The following MDC1 variants were observed in gnomAD, a reference collection of about 807,000 sequenced individuals.
MDC1 encodes the protein mediator of DNA damage checkpoint protein 1.
In MDC1, 81 loss-of-function variants were observed where a neutral mutation model predicts 142.5. The observed-to-expected ratio is 0.57, with a 90% CI of 0.47 to 0.68. MDC1 has a LOEUF of 0.68. Among genes scored for constraint, MDC1 ranks in the 30% least tolerant of loss-of-function variants. The pLI is 0.00. For synonymous variants in MDC1, 797 were observed against 968.4 expected (o/e 0.82, Z 3.29); for missense variants, 2,119 against 2,547.9 (o/e 0.83, Z 3.62).
chr6:30,713,061 G>A lies in MDC1; in HGVS notation c.881C>T (p.Pro294Leu), dbSNP rs1297917333. Residue 294 changes from proline to leucine, a missense_variant, in exon 5 of 15, where the codon CCT becomes CTT. Transcript: ENST00000376406. The surrounding 1 kb of genome is among the most constrained non-coding windows in gnomAD (Gnocchi z 4.9). ...PAGVILERSQ[P>L]PGEDSDTDVD... ...ATCTGTGTCACTGTCCTCTCCAGGAGGTTGGCTCCTCTCCAGAATCACCCC... is the reference window on the plus strand; with the variant it reads ...ATCTGTGTCACTGTCCTCTCCAGGAAGTTGGCTCCTCTCCAGAATCACCCC... 6 of 1,612,986 alleles carry A rather than the reference G, an allele frequency of 3.7e-6. No individual in the cohort carries two copies. The highest frequency in any genetic ancestry group is 5.1e-6 in the Non-Finnish European group (6 of 1,180,004).
chr6:30,703,246 G>A lies in MDC1; in HGVS notation c.5723C>T (p.Ala1908Val), dbSNP rs757439790. The change falls in exon 12 of 15, where the codon GCT becomes GTT. Residue 1908 changes from alanine to valine, a missense_variant. Ala to Val is a moderately conservative substitution (Grantham distance 64). Transcript: ENST00000376406. This position sits in a 1 kb window ranked among gnomAD's most constrained non-coding sequence, Gnocchi z 4.4. ...TGVVDARGER[A>V]VLALGGSLAG... ...CAGACTTCCCCCCAGTGCCAGCACA[G>A]CCCGCTCTCCCCGAGCATCCACCAC... is the stretch of plus-strand genomic sequence containing the variant. 3 of 1,612,898 alleles carry A rather than the reference G, an allele frequency of 1.9e-6. No homozygotes were observed. Among genetic ancestry groups the A allele is most frequent in the Non-Finnish European group, 2.5e-6 (3 of 1,179,972 alleles).
At position 30,712,417 on chromosome 6, in the gene MDC1, G is replaced by A; in HGVS notation, c.1525C>T (p.His509Tyr). Reference protein sequence around the residue: ...VEADKSSPGIHLERSQASTTV... With the variant: ...VEADKSSPGIYLERSQASTTV... Reference sequence around the variant, plus strand: ...GTGGAGGCTTGGCTTCTCTCCAGGTGGATCCCAGGTGAGCTCTTATCTGCT... The same window carrying A: ...GTGGAGGCTTGGCTTCTCTCCAGGTAGATCCCAGGTGAGCTCTTATCTGCT... The change falls in exon 5 of 15, where the codon CAC (histidine) becomes TAC (tyrosine). Residue 509 changes from histidine to tyrosine, a missense_variant. His to Tyr is a moderately conservative substitution (Grantham distance 83, BLOSUM62 2). Coordinates refer to ENST00000376406, the MANE Select transcript of MDC1 (RefSeq NM_014641.3). The surrounding 1 kb of genome is among the most constrained non-coding windows in gnomAD (Gnocchi z 4.7). The A allele has an allele frequency of 1.9e-6, 3 of 1,613,064 alleles. No homozygotes were observed. The highest frequency in any genetic ancestry group is 1.1e-5 in the South Asian group (1 of 91,084).
Position 30,711,921 on chromosome 6 carries a change from C to T in MDC1, c.2021G>A (p.Arg674Lys), listed in dbSNP as rs771332562. The change falls in exon 5 of 15, where the codon AGA becomes AAA. Residue 674 changes from arginine to lysine, a missense_variant. Transcript: ENST00000376406. The stretch of plus-strand genomic sequence containing the variant: ...CTTGGTCCCACCCACATGTTGTTCT[C>T]TCTCCCTTCCTGTGGGGACCTGGGC... ...EGAQVPTGRE[R>K]EQHVGGTKDS... The T allele has an allele frequency of 1.5e-5, 23 of 1,540,108 alleles. No homozygotes were observed. In the South Asian group the frequency reaches 2.3e-4, roughly 15 times the overall value.
intron 9 of MDC1, among the ~76,000 whole-genome samples, chr6:30,706,988 A>G (rs1336643055): frequency 1.3e-5 from 2 of 152,102 alleles, no homozygotes; most frequent in African/African-American, 2.4e-5. Context: ...AAAACAAAAA[A>G]TATGCTCACT....
intron 12 of MDC1, 90 bp from the exon 13 acceptor site, chr6:30,702,967 T>A: frequency 6.3e-7 from 1 of 1,596,552 alleles, no homozygotes; most frequent in Non-Finnish European, 8.5e-7. Context: ...ACAAAATGTC[T>A]TTTAAATCAA....
At position 30,704,477 on chromosome 6, in the gene MDC1, T is replaced by C. The variant is rs1379321930; in HGVS notation, c.4706A>G (p.Glu1569Gly). ...RTNRSSVKTPESIVPIAPELQ... is the reference protein window; with the variant it reads ...RTNRSSVKTPGSIVPIAPELQ... ...CTCAGGGGCTATAGGGACAATTGAT[T>C]CAGGGGTCTTGACAGAGGACCTATT... Residue 1569 changes from glutamate to glycine, a missense_variant, in exon 10 of 15, where the codon GAA (glutamate) becomes GGA (glycine). Coordinates refer to ENST00000376406, the MANE Select transcript of MDC1 (RefSeq NM_014641.3). 1.2e-6 allele frequency: 2 copies of C among 1,612,594 alleles called. No individual in the cohort carries two copies. The highest frequency in any genetic ancestry group is 1.7e-6 in the Non-Finnish European group (2 of 1,179,568).
chr6:30,702,178 G>C (rs961201753), intron 14 of MDC1, among the ~76,000 whole-genome samples: 3 of 148,104 alleles, frequency 2.0e-5, no homozygotes, highest in Admixed American at 6.8e-5. Flanking sequence ...CAGGAGAATG[G>C]TGTGAACCCA....
At chr6:30,706,550 AG>A (rs1773859510) in intron 9 of MDC1, among the ~76,000 whole-genome samples, 1 of 138,866 alleles carries the variant, frequency 7.2e-6, no homozygotes, top group East Asian at 2.3e-4. Flanking sequence ...TGAACTCGGG[AG>A]GCGGAGCTTG....
chr6:30,713,131 C>A lies in MDC1; in HGVS notation c.811G>T (p.Asp271Tyr). 6.2e-7 allele frequency: 1 copy of A among 1,612,940 alleles called. No individual in the cohort carries two copies. The highest frequency in any genetic ancestry group is 8.5e-7 in the Non-Finnish European group (1 of 1,179,888). The change falls in exon 5 of 15, where the codon GAT becomes TAT. Residue 271 changes from aspartate (D) to tyrosine (Y), a missense_variant. Transcript: ENST00000376406. This position sits in a 1 kb window ranked among gnomAD's most constrained non-coding sequence, Gnocchi z 4.9. ...CCTGCACCCCTCTTGACTTTTGTATCATTGTCCCTCTCCTTCACTAAAGGC... is the reference window on the plus strand; with the variant it reads ...CCTGCACCCCTCTTGACTTTTGTATAATTGTCCCTCTCCTTCACTAAAGGC... ...DQPLVKERDN[D>Y]TKVKRGAGNG... is the part of the protein sequence containing the mutation.
At position 30,704,944 on chromosome 6, in the gene MDC1, C is replaced by A; in HGVS notation, c.4239G>T (p.Lys1413Asn). The change falls in exon 10 of 15, where the codon AAG becomes AAT. Residue 1413 changes from lysine to asparagine, a missense_variant. Physicochemically the swap from Lys to Asn is moderately conservative, Grantham distance 94. Coordinates refer to ENST00000376406, the MANE Select transcript of MDC1 (RefSeq NM_014641.3). ...TPETLVPTAPKLEPSTSTDQP... is the reference protein window; with the variant it reads ...TPETLVPTAPNLEPSTSTDQP... ...GGTCTGTGGAAGTGGAAGGCTCGAG[C>A]TTAGGGGCTGTGGGGACAAGTGTTT... The A allele has an allele frequency of 6.2e-7, 1 of 1,605,070 alleles. No individual in the cohort carries two copies.
intron 14 of MDC1, among the ~76,000 whole-genome samples, chr6:30,701,542 G>T (rs1772695365): frequency 6.6e-6 from 1 of 152,136 alleles, no homozygotes; most frequent in Non-Finnish European, 1.5e-5. Context: ...CCAGACTGAG[G>T]AACATTCTAA....
intron 7 of MDC1, among the ~76,000 whole-genome samples, chr6:30,711,009 G>A (rs1488358943): frequency 5.9e-5 from 9 of 152,270 alleles, no homozygotes; most frequent in South Asian, 2.1e-4. Context: ...TTGAATTCAC[G>A]GACGCAAACT....
At position 30,703,564 on chromosome 6, in the gene MDC1, A is replaced by G. The variant is rs760817133; in HGVS notation, c.5563-27T>C. 1 of 1,612,656 alleles carries G rather than the reference A, an allele frequency of 6.2e-7. No individual in the cohort carries two copies. The highest frequency in any genetic ancestry group is 8.5e-7 in the Non-Finnish European group (1 of 1,179,956). Reference sequence around the variant, plus strand: ...TGAGATTGAGAAAAATCTTGGTGGGAGTTTCAGAGCCCTGAAGTCATTTTT... The same window carrying G: ...TGAGATTGAGAAAAATCTTGGTGGGGGTTTCAGAGCCCTGAAGTCATTTTT... On this transcript the variant is annotated intron_variant, in intron 10 of 14. Transcript: ENST00000376406. The surrounding 1 kb of genome is among the most constrained non-coding windows in gnomAD (Gnocchi z 4.4).
At chr6:30,706,330 C>CA (rs887943538) in intron 9 of MDC1, among the ~76,000 whole-genome samples, 16 of 141,420 alleles carry the variant, frequency 1.1e-4, no homozygotes, top group East Asian at 2.0e-4. Flanking sequence ...ACTAAAAATA[C>CA]AAAAAAAAAG....
chr6:30,703,276 G>C lies in MDC1; in HGVS notation c.5693C>G (p.Thr1898Arg). ...QESTAPKVLF[T>R]GVVDARGERA... is the part of the protein sequence containing the mutation. ...CTCTCCCCGAGCATCCACCACTCCT[G>C]TGAAGAGCACCTGTGGAAGGGTTGA... Residue 1898 changes from threonine to arginine, a missense_variant, in exon 12 of 15, where the codon ACA becomes AGA. By Grantham distance (71) the Thr-to-Arg change is moderately conservative. Transcript: ENST00000376406. The surrounding 1 kb of genome is among the most constrained non-coding windows in gnomAD (Gnocchi z 4.4). 6.2e-7 allele frequency: 1 copy of C among 1,611,976 alleles called. No individual in the cohort carries two copies. The highest frequency in any genetic ancestry group is 8.5e-7 in the Non-Finnish European group (1 of 1,179,192).
At position 30,708,855 on chromosome 6, in the gene MDC1, C is replaced by CAAAAAA. The variant is rs59939040; in HGVS notation, c.2222-504_2222-499dup. Among the ~76,000 whole-genome samples the CAAAAAA allele has an allele frequency of 6.4e-3, 353 of 55,182 alleles. 2 individuals are homozygous for CAAAAAA. The highest frequency in any genetic ancestry group is 0.026 in the South Asian group (38 of 1,474). 36.2% of individuals were successfully genotyped at this position (55,182 alleles called of 152,430 possible). The stretch of plus-strand genomic sequence containing the variant: ...AGCCTGAGTGACAGAGACTCTGTCT[C>CAAAAAA]AAAAAAAAAAAAAAAAAAAAACCCA... On this transcript the variant is annotated intron_variant, in intron 7 of 14. Coordinates refer to ENST00000376406, the MANE Select transcript of MDC1 (RefSeq NM_014641.3).
In MDC1 at chr6:30,705,658, G is replaced by A; in HGVS notation, c.3525C>T (p.Asp1175=). Residue 1175 remains aspartate (D), a synonymous_variant, in exon 10 of 15, where the codon GAC becomes GAT. Transcript: ENST00000376406. ...ATGTGGGCTCAGAGGTGACAGGCTG[G>A]TCTGTGGAGGTGGAAGGCTGGAGCT... The part of the protein sequence containing the change: ...APELQPSTST[D]QPVTSEPTSQ... 1 of 1,609,192 alleles carries A rather than the reference G, an allele frequency of 6.2e-7. No homozygotes were observed. Among genetic ancestry groups the A allele is most frequent in the Non-Finnish European group, 8.5e-7 (1 of 1,177,868 alleles).
In MDC1 at chr6:30,716,134, A is replaced by G. The variant is rs1263876455; in HGVS notation, c.-3-956T>C. 6.6e-6 allele frequency among the ~76,000 whole-genome samples: 1 copy of G among 151,874 alleles called. No individual in the cohort carries two copies. The highest frequency in any genetic ancestry group is 6.6e-5 in the Admixed American group (1 of 15,256). ...ACTGTTCTTGTCTTCCCACATCTTC[A>G]TGCCTTAGCCCAATTCCTTGGCTTT... is the stretch of plus-strand genomic sequence containing the variant. On this transcript the variant is annotated intron_variant, in intron 1 of 14. Transcript: ENST00000376406. This position sits in a 1 kb window ranked among gnomAD's most constrained non-coding sequence, Gnocchi z 4.4.
rs1227650338 is a variant in MDC1, at chr6:30,706,078, A to G, written c.3105T>C (p.Asp1035=). The G allele has an allele frequency of 1.3e-6, 2 of 1,590,362 alleles. No homozygotes were observed. Among genetic ancestry groups the G allele is most frequent in the Admixed American group, 1.7e-5 (1 of 57,492 alleles). ...CAGGTACTGTAGGAGGCAGACAAGC[A>G]TCTGGAGATTCCTGATCGCCCTAGG... ...KVSRGDQESP[D]ACLPPTVPEA... Residue 1035 remains aspartate (D), a synonymous_variant, in exon 10 of 15, where the codon GAT becomes GAC. Transcript: ENST00000376406.
Sources: gnomAD v4.1 joint callset for allele counts (sites outside exome capture counted in the v4.1 genomes callset) on GRCh38, gnomAD v4.1.1 for gene constraint, Gnocchi (gnomAD v3.1) non-coding constraint, MANE v1.5 for transcripts, NCBI Gene and HGNC (gene_info 2026-07-23, HGNC 2026-07-21) for gene names.